Variants in SUGCT observed in about 807,000 individuals in gnomAD.
SUGCT encodes the protein succinyl-CoA:glutarate CoA-transferase.
SUGCT carries 41 observed loss-of-function variants against 55.0 expected under a neutral mutation model. The ratio of observed to expected loss-of-function variants is 0.74; its 90% CI spans 0.58 to 0.97. The LOEUF is 0.97. Ranked by LOEUF, SUGCT falls within the 50% of genes least tolerant of loss-of-function variation. The pLI is 0.00. For synonymous variants in SUGCT, 187 were observed against 200.4 expected (o/e 0.93, Z 0.56); for missense variants, 568 against 547.8 (o/e 1.04, Z -0.37).
intron 7 of SUGCT, among the ~76,000 whole-genome samples, chr7:40,266,442 C>G (rs1791584519): frequency 6.6e-6 from 1 of 151,836 alleles, no homozygotes; most frequent in Admixed American, 6.6e-5. Context: ...AGCCACTGCG[C>G]CTGGCCTGAA....
intron 12 of SUGCT, among the ~76,000 whole-genome samples, chr7:40,542,458 T>C (rs1794745610): frequency 6.6e-6 from 1 of 152,162 alleles, no homozygotes; most frequent in Admixed American, 6.5e-5. Context: ...GTCTTGGCGA[T>C]GATGTGGTTA....
intron 7 of SUGCT, among the ~76,000 whole-genome samples, chr7:40,261,488 T>C (rs1791219543): frequency 6.6e-6 from 1 of 152,206 alleles, no homozygotes; most frequent in African/African-American, 2.4e-5. Flanking sequence ...TCCCAACATA[T>C]GTACTAAGAT....
chr7:40,255,708 T>C (rs1467336461), intron 7 of SUGCT, among the ~76,000 whole-genome samples: 1 of 151,476 alleles, frequency 6.6e-6, no homozygotes, highest in Non-Finnish European at 1.5e-5. Context: ...GTCTGCATTG[T>C]TTGTTTATGA....
the SUGCT span, among the ~76,000 whole-genome samples, chr7:40,951,680 C>T: frequency 6.6e-6 from 1 of 152,130 alleles, no homozygotes; most frequent in Non-Finnish European, 1.5e-5. Flanking sequence ...TTTCAAAGAA[C>T]ATCTTTATTC....
chr7:40,725,719 C>T (rs185535044), intron 12 of SUGCT, among the ~76,000 whole-genome samples: 1 of 152,022 alleles, frequency 6.6e-6, no homozygotes. Flanking sequence ...CTTAAAATCC[C>T]GTTTCTCAGC....
At chr7:40,556,368 GC>G (rs1795560988) in intron 12 of SUGCT, among the ~76,000 whole-genome samples, 1 of 140,260 alleles carries the variant, frequency 7.1e-6, no homozygotes, top group African/African-American at 3.3e-5. Context: ...ACACACTACA[GC>G]TCCGCAGGAT....
intron 12 of SUGCT, among the ~76,000 whole-genome samples, chr7:40,604,665 TA>T (rs1240670581): frequency 6.6e-6 from 1 of 152,168 alleles, no homozygotes. Context: ...CTTATTCACT[TA>T]CAGAAAGAAA....
At chr7:40,407,002 C>T (rs1036535306) in intron 9 of SUGCT, among the ~76,000 whole-genome samples, 4 of 151,644 alleles carry the variant, frequency 2.6e-5, no homozygotes, top group Non-Finnish European at 5.9e-5. Flanking sequence ...AAACAAGTTT[C>T]GAAATAAAGT....
At chr7:40,506,796 C>G (rs933683483) in intron 12 of SUGCT, among the ~76,000 whole-genome samples, 1 of 152,048 alleles carries the variant, frequency 6.6e-6, no homozygotes, top group Non-Finnish European at 1.5e-5. Context: ...CTTCCTACTG[C>G]CAGTTCAAAT....
chr7:40,600,573 T>G (rs1201890834), intron 12 of SUGCT, among the ~76,000 whole-genome samples: 1 of 152,214 alleles, frequency 6.6e-6, no homozygotes, highest in African/African-American at 2.4e-5. Flanking sequence ...ATGAGAGACA[T>G]GGAGACTTTA....
chr7:40,436,300 T>C (rs577095569), intron 9 of SUGCT, among the ~76,000 whole-genome samples: 1 of 152,232 alleles, frequency 6.6e-6, no homozygotes, highest in South Asian at 2.1e-4. Flanking sequence ...GATGAAACTC[T>C]GCTGTCACCT....
intron 1 of SUGCT, among the ~76,000 whole-genome samples, chr7:40,155,114 G>A (rs1008428712): frequency 1.3e-5 from 2 of 151,994 alleles, no homozygotes; most frequent in African/African-American, 2.4e-5. Flanking sequence ...GGGAAACCCC[G>A]TCTCTACTAA....
chr7:40,881,475 C>T, the SUGCT span, among the ~76,000 whole-genome samples: 1 of 152,202 alleles, frequency 6.6e-6, no homozygotes, highest in Non-Finnish European at 1.5e-5. Context: ...GACTCAGGTA[C>T]ATGTTTATGG....
intron 12 of SUGCT, among the ~76,000 whole-genome samples, chr7:40,745,118 T>C (rs1787665676): frequency 6.6e-6 from 1 of 152,214 alleles, no homozygotes; most frequent in Non-Finnish European, 1.5e-5. Context: ...GTTGAATGAA[T>C]AGGTCATATC....
intron 13 of SUGCT, among the ~76,000 whole-genome samples, chr7:40,816,923 A>G (rs1018163478): frequency 1.3e-5 from 2 of 152,234 alleles, no homozygotes; most frequent in African/African-American, 4.8e-5. Context: ...GAGAAGTCAA[A>G]TAAGAGTTGC....
the SUGCT span, among the ~76,000 whole-genome samples, chr7:40,878,735 G>C: frequency 6.6e-6 from 1 of 151,430 alleles, no homozygotes; most frequent in Admixed American, 6.6e-5. Context: ...CCCTCCACCA[G>C]AAAAACCCCT....
At chr7:40,825,773 G>A (rs771659734) in intron 13 of SUGCT, among the ~76,000 whole-genome samples, 1 of 151,998 alleles carries the variant, frequency 6.6e-6, no homozygotes, top group Non-Finnish European at 1.5e-5. Context: ...CCCTCTTTTT[G>A]GATTAAGGTT....
intron 11 of SUGCT, among the ~76,000 whole-genome samples, chr7:40,488,323 C>T (rs1025859485): frequency 6.6e-6 from 1 of 152,008 alleles, no homozygotes; most frequent in African/African-American, 2.4e-5. Context: ...TAGTTAATAA[C>T]AATTTTTGAT....
intron 6 of SUGCT, among the ~76,000 whole-genome samples, chr7:40,198,838 A>G (rs538816131): frequency 8.2e-4 from 125 of 152,228 alleles, no homozygotes; most frequent in African/African-American, 3.0e-3. Flanking sequence ...CTCTACTAAA[A>G]ATACAAAAAT....
Sources: gnomAD v4.1 joint callset for allele counts (sites outside exome capture counted in the v4.1 genomes callset) on GRCh38, gnomAD v4.1.1 for gene constraint, MANE v1.5 for transcripts, NCBI Gene and HGNC (gene_info 2026-07-23, HGNC 2026-07-21) for gene names.